SPTBN1: variants seen among roughly 807,000 people sequenced by gnomAD.
SPTBN1 encodes the protein spectrin beta, non-erythrocytic 1.
SPTBN1 carries 32 observed loss-of-function variants against 266.4 expected under a neutral mutation model. The ratio of observed to expected loss-of-function variants is 0.12; its 90% CI spans 0.09 to 0.16. SPTBN1 has a LOEUF of 0.16. SPTBN1 is among the 10% of genes least tolerant of loss of function. SPTBN1 has a pLI of 1.00. For missense variants in SPTBN1, 2,296 were observed against 3,067.1 expected, an observed-to-expected ratio of 0.75 and a Z score of 5.94; for synonymous variants, 1,336 against 1,162.2, an observed-to-expected ratio of 1.15 and a Z score of -3.04.
chr2:54,608,310 G>C (rs923541704), intron 3 of SPTBN1, among the ~76,000 whole-genome samples: 1 of 152,150 alleles, frequency 6.6e-6, no homozygotes, highest in Admixed American at 6.5e-5. Context: ...TGAGTTCCTG[G>C]GCTCTGTGGT....
rs576868399 is a variant in SPTBN1, at chr2:54,529,840, A to G, written c.148+3274A>G. The G allele has an allele frequency of 1.2e-3, 335 of 271,050 alleles. 3 individuals carry two copies. Among genetic ancestry groups the G allele is most frequent in the African/African-American group, 8.7e-3 (319 of 36,580 alleles). The allele number at this position is 271,050 out of a possible 1,614,324, so 16.8% of individuals were successfully genotyped here. ...CATCTGGCTAATTCTAAATATACAT[A>G]TCTCTTTTCACCAAAAAAAAAAAAA... On this transcript the variant is annotated intron_variant, in intron 2 of 35. Transcript: ENST00000356805.
chr2:54,558,924 G>T lies in SPTBN1; in HGVS notation c.148+32358G>T. The T allele has an allele frequency of 1.3e-6, 2 of 1,597,262 alleles. No homozygotes were observed. The highest frequency in any genetic ancestry group is 2.2e-5 in the South Asian group (2 of 89,664). ...CCCAAAGGCCGGGCCTGTCCTGGGT[G>T]CCAACGGGGGTTCTTGGAGGCTTTA... is the stretch of plus-strand genomic sequence containing the variant. On this transcript the variant is annotated intron_variant, in intron 2 of 35. Transcript: ENST00000356805. This position sits in a 1 kb window ranked among gnomAD's most constrained non-coding sequence, Gnocchi z 4.6.
At chr2:54,537,810 C>G in intron 2 of SPTBN1, among the ~76,000 whole-genome samples, 1 of 152,192 alleles carries the variant, frequency 6.6e-6, no homozygotes, top group Non-Finnish European at 1.5e-5. Flanking sequence ...GGGCTTCACT[C>G]TCTACCACCT....
chr2:54,504,780 T>G (rs1260660997), intron 1 of SPTBN1, among the ~76,000 whole-genome samples: 1 of 152,052 alleles, frequency 6.6e-6, no homozygotes, highest in East Asian at 1.9e-4. Flanking sequence ...AATAAGCAAA[T>G]GTTTTACTTA....
intron 1 of SPTBN1, among the ~76,000 whole-genome samples, chr2:54,476,551 A>G (rs924858437): frequency 1.3e-5 from 2 of 152,230 alleles, no homozygotes; most frequent in African/African-American, 2.4e-5. Context: ...TTGTATCCTA[A>G]CAGGCATTCT....
In SPTBN1 at chr2:54,645,299, G is replaced by T; in HGVS notation, c.4340G>T (p.Ser1447Ile). ...CTCCAAAGCCAAGCCCAGGCCCTGA[G>T]TCAGGAAGGGAAGAGCACCGACGAG... is the stretch of plus-strand genomic sequence containing the variant. ...EELQSQAQAL[S>I]QEGKSTDEVD... The change falls in exon 21 of 36, where the codon AGT becomes ATT. Residue 1447 changes from serine (S) to isoleucine (I), a missense_variant. Coordinates refer to ENST00000356805, the MANE Select transcript of SPTBN1 (RefSeq NM_003128.3). This position sits in a 1 kb window ranked among gnomAD's most constrained non-coding sequence, Gnocchi z 4.3. The T allele has an allele frequency of 6.2e-7, 1 of 1,614,250 alleles. No individual in the cohort carries two copies. The highest frequency in any genetic ancestry group is 8.5e-7 in the Non-Finnish European group (1 of 1,180,042).
chr2:54,577,640 T>C (rs542574501), intron 2 of SPTBN1, among the ~76,000 whole-genome samples: 2 of 152,338 alleles, frequency 1.3e-5, no homozygotes, highest in African/African-American at 4.8e-5. Flanking sequence ...ATAGCGTCCT[T>C]GTGTGATGTG....
At chr2:54,578,498 C>A (rs996967882) in intron 2 of SPTBN1, among the ~76,000 whole-genome samples, 2 of 152,130 alleles carry the variant, frequency 1.3e-5, no homozygotes, top group Non-Finnish European at 2.9e-5. Flanking sequence ...GTGAAGACTT[C>A]CAGCTGCGAT....
intron 3 of SPTBN1, among the ~76,000 whole-genome samples, chr2:54,606,300 A>G (rs1178761825): frequency 6.6e-6 from 1 of 152,048 alleles, no homozygotes; most frequent in East Asian, 1.9e-4. Context: ...TACCATCCAC[A>G]CTGTCGCCTC....
chr2:54,633,183 G>C (rs1436278736), intron 17 of SPTBN1, among the ~76,000 whole-genome samples: 1 of 152,186 alleles, frequency 6.6e-6, no homozygotes, highest in African/African-American at 2.4e-5. Context: ...CCTGTCAGGA[G>C]AGTGGGAAGG....
chr2:54,666,167 C>A, intron 34 of SPTBN1, 79 bp downstream of exon 34: 2 of 1,411,088 alleles, frequency 1.4e-6, no homozygotes, highest in Non-Finnish European at 1.9e-6. Context: ...TCTTATACAG[C>A]TGCTGTGATT....
chr2:54,463,854 G>A (rs911759583), intron 1 of SPTBN1, among the ~76,000 whole-genome samples: 1 of 152,120 alleles, frequency 6.6e-6, no homozygotes, highest in African/African-American at 2.4e-5. Flanking sequence ...AGGAAAATCT[G>A]ATTTATATAT....
chr2:54,593,298 A>G (rs1343873717), intron 2 of SPTBN1, among the ~76,000 whole-genome samples: 1 of 152,030 alleles, frequency 6.6e-6, no homozygotes, highest in Non-Finnish European at 1.5e-5. Flanking sequence ...TGGTCCTGAG[A>G]AGCTTATTTT....
At chr2:54,662,231 G>C (rs954971774) in intron 32 of SPTBN1, 24 of 985,424 alleles carry the variant, frequency 2.4e-5, no homozygotes, top group Middle Eastern at 5.2e-4. Flanking sequence ...GATTGCTTTT[G>C]ATGTGTGTCT....
At chr2:54,527,801 T>C (rs936404303) in intron 2 of SPTBN1, 4 of 152,228 alleles carry the variant, frequency 2.6e-5, no homozygotes, top group African/African-American at 9.7e-5. Context: ...TGATCATGAC[T>C]TGGATCATGT....
At chr2:54,569,734 A>G (rs1008595996) in intron 2 of SPTBN1, among the ~76,000 whole-genome samples, 2 of 152,144 alleles carry the variant, frequency 1.3e-5, no homozygotes, top group African/African-American at 4.8e-5. Flanking sequence ...TTGTTGTAAG[A>G]ATTAGGTGAG....
At position 54,630,036 on chromosome 2, in the gene SPTBN1, AC is replaced by A; in HGVS notation, c.2807+8del. The A allele has an allele frequency of 6.2e-7, 1 of 1,612,750 alleles. No individual in the cohort carries two copies. The highest frequency in any genetic ancestry group is 8.5e-7 in the Non-Finnish European group (1 of 1,179,436). ...AGGACAAACTCAACACAAGGTGAGC[AC>A]GTGGCCAGCAGTGTGCCAGCCTCCC... On this transcript the variant is annotated splice_region_variant and intron_variant, in intron 15 of 35. Coordinates refer to ENST00000356805, the MANE Select transcript of SPTBN1 (RefSeq NM_003128.3).
intron 4 of SPTBN1, among the ~76,000 whole-genome samples, chr2:54,613,493 G>A (rs1188350910): frequency 6.6e-6 from 1 of 152,216 alleles, no homozygotes; most frequent in Non-Finnish European, 1.5e-5. Context: ...GGAAGAAGGG[G>A]TAGGGGACTA....
At position 54,625,889 on chromosome 2, in the gene SPTBN1, G is replaced by C. The variant is rs548185774; in HGVS notation, c.1342-43G>C. 1.9e-6 allele frequency: 3 copies of C among 1,588,042 alleles called. No individual in the cohort carries two copies. In the African/African-American group the frequency reaches 4.0e-5, roughly 21 times the overall value. ...TACAAGCATGAGCTACTGTGCCCGG[G>C]TGGATTTTTTATTTTCCTTCTTTTC... On this transcript the variant is annotated intron_variant, in intron 11 of 35. Coordinates refer to ENST00000356805, the MANE Select transcript of SPTBN1 (RefSeq NM_003128.3).
Sources: gnomAD v4.1 joint callset for allele counts (sites outside exome capture counted in the v4.1 genomes callset) on GRCh38, gnomAD v4.1.1 for gene constraint, Gnocchi (gnomAD v3.1) non-coding constraint, MANE v1.5 for transcripts, NCBI Gene and HGNC (gene_info 2026-07-23, HGNC 2026-07-21) for gene names.